The following SLC28A1 variants were observed in gnomAD, a reference collection of about 807,000 sequenced individuals.
The protein encoded by SLC28A1 is sodium/nucleoside cotransporter 1.
Under a neutral mutation model 74.8 loss-of-function variants are expected in SLC28A1, and 64 were observed. That is an observed-to-expected ratio of 0.86 (90% confidence interval 0.70 to 1.05). The LOEUF is 1.05. Among genes scored for constraint, SLC28A1 ranks in the 50% least tolerant of loss-of-function variants. The probability of loss-of-function intolerance (pLI) is 0.00; values close to 1 mark genes in which losing one functional copy is unlikely to be tolerated. For missense variants in SLC28A1, 828 were observed against 822.8 expected, an observed-to-expected ratio of 1.01 and a Z score of -0.08; for synonymous variants, 359 against 335.0, an observed-to-expected ratio of 1.07 and a Z score of -0.78.
chr15:84,899,965 AAAGAAG>A (rs1157154012), intron 6 of SLC28A1, among the ~76,000 whole-genome samples: 15,252 of 142,344 alleles, frequency 0.11, 924 homozygotes, highest in Non-Finnish European at 0.14. Flanking sequence ...GGAAGGAAGG[AAAGAAG>A]GAAGGAAGGA....
intron 7 of SLC28A1, among the ~76,000 whole-genome samples, 169 bp from the exon 8 acceptor site, chr15:84,905,370 C>T (rs1258640398): frequency 2.2e-4 from 33 of 152,236 alleles, no homozygotes; most frequent in Non-Finnish European, 2.9e-5. Context: ...AAGCACATGG[C>T]CTGTTCTGAA....
chr15:84,887,613 C>A (rs1239116887), intron 2 of SLC28A1, 132 bp from the exon 3 acceptor site: 2 of 1,531,228 alleles, frequency 1.3e-6, no homozygotes, highest in South Asian at 1.2e-5. Context: ...CATAGGTGGC[C>A]CCCAGGCAGG....
chr15:84,969,718 T>C, the SLC28A1 span, among the ~76,000 whole-genome samples: 1 of 152,178 alleles, frequency 6.6e-6, no homozygotes, highest in African/African-American at 2.4e-5. Context: ...GAAGCATTTC[T>C]TAGAAACAAT....
chr15:84,956,860 A>C, the SLC28A1 span, among the ~76,000 whole-genome samples: 1 of 152,040 alleles, frequency 6.6e-6, no homozygotes, highest in Non-Finnish European at 1.5e-5. Flanking sequence ...AATTTAAGAC[A>C]GTAAGATGTG....
chr15:84,949,250 C>A (rs986526925), downstream of SLC28A1, among the ~76,000 whole-genome samples: 1 of 152,056 alleles, frequency 6.6e-6, no homozygotes, highest in Non-Finnish European at 1.5e-5. Context: ...AAGAGCAAGT[C>A]GAAGATGAAG....
chr15:84,922,857 A>G (rs74024759), intron 11 of SLC28A1, among the ~76,000 whole-genome samples: 1 of 152,244 alleles, frequency 6.6e-6, no homozygotes, highest in African/African-American at 2.4e-5. Flanking sequence ...CTATCAAACC[A>G]TGTCACTGGC....
rs185095084 is a variant in SLC28A1 at position 84,893,806 on chromosome 15, G to A, written c.278-1134G>A. 5.3e-5 allele frequency among the ~76,000 whole-genome samples: 8 copies of A among 152,266 alleles called. 1 individual carries two copies. Among genetic ancestry groups the A allele is most frequent in the Admixed American group, 4.6e-4 (7 of 15,298 alleles). ...GGGCCCTGCTTGCCACGCACCACACGGGCATTCCTCTCTCTGCAGTCCTGG... is the reference window on the plus strand; with the variant it reads ...GGGCCCTGCTTGCCACGCACCACACAGGCATTCCTCTCTCTGCAGTCCTGG... On this transcript the variant is annotated intron_variant, in intron 5 of 18. Coordinates refer to ENST00000394573, the MANE Select transcript of SLC28A1 (RefSeq NM_004213.5).
At chr15:84,970,499 G>T in the SLC28A1 span, among the ~76,000 whole-genome samples, 1 of 152,176 alleles carries the variant, frequency 6.6e-6, no homozygotes. Context: ...ATGTTGGTTG[G>T]ACAGAAAACG....
rs559208737 is a variant in SLC28A1 at position 84,919,427 on chromosome 15, A to G, written c.876+823A>G. Among the ~76,000 whole-genome samples, 9 of 152,346 alleles carry G rather than the reference A, an allele frequency of 5.9e-5. No homozygotes were observed. In the South Asian group the frequency reaches 1.9e-3, roughly 32 times the overall value. On this transcript the variant is annotated intron_variant, in intron 10 of 18. Coordinates refer to ENST00000394573, the MANE Select transcript of SLC28A1 (RefSeq NM_004213.5). ...TTTGTTCATTTTCTGTTGCTATAAC[A>G]GAATATCACAGACTGGGTAATTTAT...
Position 84,935,595 on chromosome 15 carries a change from C to T in SLC28A1, c.1581+77C>T, listed in dbSNP as rs1043196173. 8 of 1,265,338 alleles carry T rather than the reference C, an allele frequency of 6.3e-6. No homozygotes were observed. The African/African-American group carries it at 8.7e-5, about 14-fold the overall frequency. 78.4% of individuals were successfully genotyped at this position (1,265,338 alleles called of 1,614,324 possible). A position where few individuals can be genotyped will look rare whatever the true frequency, so the allele number is the denominator to read the frequency against. ...CTCCTCAGGGCCCCTGGCAGCTGCTCTCCCGCTCCCTGGGCCTGGCTGAGA... is the reference window on the plus strand; with the variant it reads ...CTCCTCAGGGCCCCTGGCAGCTGCTTTCCCGCTCCCTGGGCCTGGCTGAGA... On this transcript the variant is annotated intron_variant, in intron 15 of 18. Transcript: ENST00000394573.
At chr15:84,911,659 C>T (rs778527785) in intron 9 of SLC28A1, among the ~76,000 whole-genome samples, 13 of 152,106 alleles carry the variant, frequency 8.5e-5, no homozygotes, top group Middle Eastern at 3.4e-3. Context: ...TTCAGGAGTT[C>T]GAGACCAGCC....
intron 7 of SLC28A1, among the ~76,000 whole-genome samples, chr15:84,904,524 C>T (rs145331962): frequency 1.3e-5 from 2 of 152,210 alleles, no homozygotes; most frequent in Non-Finnish European, 2.9e-5. Context: ...TCTGTAGGCT[C>T]AGGAACCACC....
chr15:84,971,269 T>C, the SLC28A1 span, among the ~76,000 whole-genome samples: 1 of 152,188 alleles, frequency 6.6e-6, no homozygotes, highest in East Asian at 1.9e-4. Flanking sequence ...TGATAAGGGG[T>C]GCCATAGTCT....
chr15:84,886,829 C>T (rs1039657886), intron 2 of SLC28A1, 42 bp downstream of exon 2: 68 of 936,962 alleles, frequency 7.3e-5, no homozygotes, highest in African/African-American at 3.5e-4. Flanking sequence ...CGCTGCTGTG[C>T]GTCTGTGTGT....
chr15:84,968,074 T>C, the SLC28A1 span, among the ~76,000 whole-genome samples: 1 of 152,142 alleles, frequency 6.6e-6, no homozygotes, highest in Non-Finnish European at 1.5e-5. Context: ...GGGCATAGTT[T>C]AGGGGATTTC....
intron 6 of SLC28A1, among the ~76,000 whole-genome samples, chr15:84,900,402 A>C (rs1461942560): frequency 1.6e-4 from 5 of 31,674 alleles, no homozygotes; most frequent in African/African-American, 5.7e-4. Flanking sequence ...ACACTGTCTC[A>C]AAAAAAAAAA....
intron 1 of SLC28A1, among the ~76,000 whole-genome samples, chr15:84,885,614 A>C (rs113028994): frequency 0.12 from 18,747 of 151,434 alleles, 1,202 homozygotes; most frequent in African/African-American, 0.14. Context: ...GCCTGTAATC[A>C]CAGCTACTTG....
chr15:84,931,340 T>G (rs1971246850), intron 12 of SLC28A1, among the ~76,000 whole-genome samples: 1 of 151,982 alleles, frequency 6.6e-6, no homozygotes, highest in South Asian at 2.1e-4. Context: ...GCTTTTTGTT[T>G]ATTAAAAAAA....
Position 84,944,603 on chromosome 15 carries a change from G to C in SLC28A1, c.1701G>C (p.Gln567His). Residue 567 changes from glutamine to histidine, a missense_variant, in exon 17 of 19, where the codon CAG becomes CAC. Gln to His is a conservative substitution (Grantham distance 24). Around this residue, in one of 3 missense-constraint regions of SLC28A1, gnomAD observed 767 missense variants for 753.5 expected, o/e 1.02. Coordinates refer to ENST00000394573, the MANE Select transcript of SLC28A1 (RefSeq NM_004213.5). ...MVPQRKSDFS[Q>H]IVLRALFTGA... ...CCCAACGGAAGAGCGACTTCTCCCA[G>C]ATAGTGCTCCGGGCGCTCTTCACGG... is the stretch of plus-strand genomic sequence containing the variant. 6.2e-7 allele frequency: 1 copy of C among 1,614,118 alleles called. No individual in the cohort carries two copies.
Sources: allele counts gnomAD v4.1 joint callset (sites outside exome capture counted in the v4.1 genomes callset), GRCh38; gene constraint gnomAD v4.1.1; regional missense constraint gnomAD v4.1.1; transcripts MANE v1.5; gene names NCBI Gene and HGNC (gene_info 2026-07-23, HGNC 2026-07-21).